Variants in RAB3GAP1 observed in about 807,000 individuals in gnomAD.
The protein encoded by RAB3GAP1 is RAB3 GTPase activating protein catalytic subunit 1, also known as rab3 GTPase-activating protein catalytic subunit.
Under a neutral mutation model 130.7 loss-of-function variants are expected in RAB3GAP1, and 86 were observed. The observed-to-expected ratio is 0.66, with a 90% CI of 0.55 to 0.79. The LOEUF is 0.79. Among genes scored for constraint, RAB3GAP1 ranks in the 30% least tolerant of loss-of-function variants. The pLI is 0.00. For missense variants in RAB3GAP1, 1,029 were observed against 1,169.4 expected (o/e 0.88, Z 1.75); for synonymous variants, 367 against 401.7 (o/e 0.91, Z 1.03).
chr2:135,064,761 T>G (rs997175394), intron 3 of RAB3GAP1, among the ~76,000 whole-genome samples: 2 of 150,992 alleles, frequency 1.3e-5, no homozygotes, highest in African/African-American at 4.9e-5. Flanking sequence ...TTTTGTTTTT[T>G]TTTTTTTTTG....
chr2:135,055,434 T>TAA (rs1167160205), intron 2 of RAB3GAP1, among the ~76,000 whole-genome samples: 1 of 152,150 alleles, frequency 6.6e-6, no homozygotes, highest in Non-Finnish European at 1.5e-5. Context: ...TCCCAGCACT[T>TAA]AGAGAGGCTG....
Position 135,140,065 on chromosome 2 carries a change from G to A in RAB3GAP1, c.1923+4133G>A, listed in dbSNP as rs149027625. Among the ~76,000 whole-genome samples, 397 of 152,192 alleles carry A rather than the reference G, an allele frequency of 2.6e-3. 5 individuals carry two copies. The South Asian group carries it at 0.027, about 10-fold the overall frequency. On this transcript the variant is annotated intron_variant, in intron 17 of 23. Coordinates refer to ENST00000264158, the MANE Select transcript of RAB3GAP1 (RefSeq NM_012233.3). ...ACCGATTTTGAGAGTCATCCTTGTTGTTGCAGGCTTCAGTGTTTGTGCATG... is the reference window on the plus strand; with the variant it reads ...ACCGATTTTGAGAGTCATCCTTGTTATTGCAGGCTTCAGTGTTTGTGCATG...
At chr2:135,067,690 C>T (rs903265395) in intron 3 of RAB3GAP1, among the ~76,000 whole-genome samples, 1 of 152,164 alleles carries the variant, frequency 6.6e-6, no homozygotes, top group Non-Finnish European at 1.5e-5. Context: ...GTCTCAGTTA[C>T]TGTTAGTCAT....
At chr2:135,079,107 G>C (rs1487586160) in intron 3 of RAB3GAP1, among the ~76,000 whole-genome samples, 1 of 152,022 alleles carries the variant, frequency 6.6e-6, no homozygotes, top group Non-Finnish European at 1.5e-5. Context: ...TTGACCTTAT[G>C]ATCTGCCTGC....
intron 5 of RAB3GAP1, among the ~76,000 whole-genome samples, chr2:135,106,762 A>AT (rs1488695977): frequency 5.6e-5 from 8 of 143,750 alleles, no homozygotes; most frequent in East Asian, 1.9e-4. Flanking sequence ...ATACTAAAAA[A>AT]AAAAATAAAA....
At chr2:135,066,488 A>G (rs976748110) in intron 3 of RAB3GAP1, among the ~76,000 whole-genome samples, 17 of 152,342 alleles carry the variant, frequency 1.1e-4, no homozygotes, top group Admixed American at 7.8e-4. Context: ...TTCATGTGGT[A>G]CTGTAATTTT....
chr2:135,057,952 C>T (rs2104821834), intron 2 of RAB3GAP1, 59 bp from the exon 3 acceptor site: 1 of 1,201,988 alleles, frequency 8.3e-7, no homozygotes, highest in Non-Finnish European at 1.2e-6. Context: ...AAAGAAATTA[C>T]ATAATAATAG....
intron 23 of RAB3GAP1, among the ~76,000 whole-genome samples, chr2:135,166,372 AG>A (rs1233393214): frequency 6.6e-6 from 1 of 152,138 alleles, no homozygotes; most frequent in African/African-American, 2.4e-5. Context: ...TTTTAAAGAG[AG>A]GGTCTCACTC....
intron 3 of RAB3GAP1, among the ~76,000 whole-genome samples, chr2:135,061,406 G>A (rs1689167559): frequency 6.6e-6 from 1 of 152,186 alleles, no homozygotes; most frequent in Non-Finnish European, 1.5e-5. Flanking sequence ...ATGGGAGGTT[G>A]TGTTGCTATA....
intron 7 of RAB3GAP1, among the ~76,000 whole-genome samples, chr2:135,115,876 T>C (rs1023535343): frequency 6.6e-6 from 1 of 152,216 alleles, no homozygotes; most frequent in South Asian, 2.1e-4. Flanking sequence ...TGGGACATGC[T>C]AAATATATTC....
At chr2:135,102,331 C>T (rs1357726815) in intron 5 of RAB3GAP1, among the ~76,000 whole-genome samples, 1 of 152,154 alleles carries the variant, frequency 6.6e-6, no homozygotes, top group African/African-American at 2.4e-5. Context: ...TAGAGCATCC[C>T]GAAGGGACAC....
chr2:135,153,684 G>A lies in RAB3GAP1; in HGVS notation c.2097G>A (p.Val699=). 6.2e-7 allele frequency: 1 copy of A among 1,613,978 alleles called. No individual in the cohort carries two copies. The part of the protein sequence containing the change: ...ANPGCSLEDF[V]RWYSPRDYIE... Reference sequence around the variant, plus strand: ...CAGGTTGCTCCCTGGAAGATTTTGTGAGGTGGTATTCACCCCGGGATTATA... The same window carrying A: ...CAGGTTGCTCCCTGGAAGATTTTGTAAGGTGGTATTCACCCCGGGATTATA... The change falls in exon 19 of 24, where the codon GTG becomes GTA. Residue 699 remains valine (V), a synonymous_variant. Transcript: ENST00000264158.
chr2:135,130,746 G>A (rs1294305112), intron 13 of RAB3GAP1, 25 bp downstream of exon 13: 11 of 1,586,234 alleles, frequency 6.9e-6, no homozygotes, highest in Non-Finnish European at 9.5e-6. Flanking sequence ...TGTCTTTATA[G>A]GTCTATATGC....
chr2:135,161,299 A>G (rs1232131821), intron 19 of RAB3GAP1, among the ~76,000 whole-genome samples: 1 of 152,218 alleles, frequency 6.6e-6, no homozygotes, highest in Non-Finnish European at 1.5e-5. Flanking sequence ...GGAGCTATCC[A>G]CTACTATTAG....
chr2:135,111,766 CT>C (rs1351238347), intron 5 of RAB3GAP1, among the ~76,000 whole-genome samples: 4 of 151,892 alleles, frequency 2.6e-5, no homozygotes, highest in Non-Finnish European at 4.4e-5. Flanking sequence ...CAAATTGTTT[CT>C]TTTTTTTCTT....
chr2:135,055,914 G>A (rs1688995392), intron 2 of RAB3GAP1, among the ~76,000 whole-genome samples: 1 of 151,594 alleles, frequency 6.6e-6, no homozygotes, highest in African/African-American at 2.4e-5. Context: ...TCGGCTCACT[G>A]CAAGCTCTGC....
chr2:135,072,961 G>T (rs900800859), intron 3 of RAB3GAP1, among the ~76,000 whole-genome samples: 3 of 152,208 alleles, frequency 2.0e-5, no homozygotes, highest in African/African-American at 7.2e-5. Flanking sequence ...GTCTGAATAA[G>T]TGTGGGCTAT....
intron 22 of RAB3GAP1, 72 bp from the exon 23 acceptor site, chr2:135,164,522 G>A: frequency 8.3e-7 from 1 of 1,204,848 alleles, no homozygotes. Context: ...CAAAACTCCT[G>A]TGGGAGGATG....
At chr2:135,068,614 G>A (rs1221037378) in intron 3 of RAB3GAP1, among the ~76,000 whole-genome samples, 1 of 152,140 alleles carries the variant, frequency 6.6e-6, no homozygotes, top group Non-Finnish European at 1.5e-5. Context: ...TTAGCCAGGT[G>A]TGGTGGCAGG....
Sources: allele counts gnomAD v4.1 joint callset (sites outside exome capture counted in the v4.1 genomes callset), GRCh38; gene constraint gnomAD v4.1.1; transcripts MANE v1.5; gene names NCBI Gene and HGNC (gene_info 2026-07-23, HGNC 2026-07-21).